Variants in ARHGAP29 observed in about 807,000 individuals in gnomAD.
The protein encoded by ARHGAP29 is Rho GTPase activating protein 29.
Under a neutral mutation model 122.6 loss-of-function variants are expected in ARHGAP29, and 43 were observed. The ratio of observed to expected loss-of-function variants is 0.35; its 90% CI spans 0.27 to 0.45. ARHGAP29 has a LOEUF of 0.45. Among genes scored for constraint, ARHGAP29 ranks in the 20% least tolerant of loss-of-function variants. ARHGAP29 has a pLI of 1.00. For synonymous variants in ARHGAP29, 506 were observed against 497.1 expected (o/e 1.02, Z -0.24); for missense variants, 1,303 against 1,477.2 (o/e 0.88, Z 1.93).
chr1:94,282,513 C>T, the ARHGAP29 span, among the ~76,000 whole-genome samples: 2,873 of 151,942 alleles, frequency 0.019, 94 homozygotes, highest in African/African-American at 0.066. Context: ...TGGCCTCAAG[C>T]GATCCTCCCA....
the ARHGAP29 span, among the ~76,000 whole-genome samples, chr1:94,287,938 T>C: frequency 6.6e-6 from 1 of 152,222 alleles, no homozygotes; most frequent in African/African-American, 2.4e-5. Context: ...GTCTCTGCTA[T>C]TGTGAATAGT....
At chr1:94,192,910 T>C (rs776247081) in intron 12 of ARHGAP29, 5 of 152,124 alleles carry the variant, frequency 3.3e-5, no homozygotes, top group Non-Finnish European at 7.4e-5. Context: ...CAAAATTACT[T>C]GTCATACAAA....
At chr1:94,227,352 T>C (rs1252689380) in intron 2 of ARHGAP29, among the ~76,000 whole-genome samples, 1 of 151,680 alleles carries the variant, frequency 6.6e-6, no homozygotes, top group African/African-American at 2.4e-5. Flanking sequence ...CTAGTTCATC[T>C]GAAATTGGCC....
chr1:94,233,530 A>C (rs1653060452), intron 1 of ARHGAP29, among the ~76,000 whole-genome samples: 1 of 152,126 alleles, frequency 6.6e-6, no homozygotes, highest in South Asian at 2.1e-4. Context: ...AAATCTCATA[A>C]TGTCATTTCT....
chr1:94,245,561 G>A (rs1387984403), intron 1 of ARHGAP29, among the ~76,000 whole-genome samples: 2 of 152,136 alleles, frequency 1.3e-5, no homozygotes, highest in Admixed American at 1.3e-4. Flanking sequence ...TCGTTGCCTA[G>A]GAATGCAGTG....
chr1:94,193,576 G>A (rs1011402526), intron 12 of ARHGAP29: 4 of 152,186 alleles, frequency 2.6e-5, no homozygotes, highest in Non-Finnish European at 4.4e-5. Flanking sequence ...ATTGGGGAAT[G>A]ATAATTCATA....
intron 1 of ARHGAP29, among the ~76,000 whole-genome samples, chr1:94,261,348 T>G (rs1392690703): frequency 6.6e-6 from 1 of 152,216 alleles, no homozygotes; most frequent in Non-Finnish European, 1.5e-5. Context: ...AATAAACACT[T>G]ATTTGTGTTT....
At chr1:94,270,368 A>G (rs900950765) in intron 1 of ARHGAP29, among the ~76,000 whole-genome samples, 3 of 152,182 alleles carry the variant, frequency 2.0e-5, no homozygotes, top group African/African-American at 7.2e-5. Context: ...ACTTTTTGAG[A>G]AATAGCTCTT....
At chr1:94,260,064 A>G (rs17111264) in intron 1 of ARHGAP29, among the ~76,000 whole-genome samples, 3,994 of 152,242 alleles carry the variant, frequency 0.026, 182 homozygotes, top group African/African-American at 0.092. Context: ...TCTAATCTTG[A>G]GCAAGACTTG....
chr1:94,284,585 G>C, the ARHGAP29 span, among the ~76,000 whole-genome samples: 1 of 152,188 alleles, frequency 6.6e-6, no homozygotes, highest in Non-Finnish European at 1.5e-5. Flanking sequence ...TATGCCTTCT[G>C]TCTGCTGTGA....
intron 2 of ARHGAP29, among the ~76,000 whole-genome samples, chr1:94,225,657 T>C (rs1652569928): frequency 6.6e-6 from 1 of 152,108 alleles, no homozygotes; most frequent in Non-Finnish European, 1.5e-5. Context: ...ATATGTTTTA[T>C]TAAAAATTTC....
chr1:94,289,478 T>G, the ARHGAP29 span, among the ~76,000 whole-genome samples: 1 of 152,226 alleles, frequency 6.6e-6, no homozygotes, highest in Non-Finnish European at 1.5e-5. Flanking sequence ...TTGAATACAC[T>G]TTATTTCTTT....
At chr1:94,183,993 T>C (rs1215581387) in intron 19 of ARHGAP29, among the ~76,000 whole-genome samples, 158 bp downstream of exon 19, 2 of 152,220 alleles carry the variant, frequency 1.3e-5, no homozygotes, top group African/African-American at 2.4e-5. Context: ...ATTGTACATG[T>C]ATTTCATATA....
intron 1 of ARHGAP29, among the ~76,000 whole-genome samples, chr1:94,257,759 A>G (rs1654416867): frequency 6.6e-6 from 1 of 152,178 alleles, no homozygotes; most frequent in Non-Finnish European, 1.5e-5. Context: ...TCTATGACAC[A>G]TGTGACATTA....
chr1:94,276,424 G>C (rs1483258802), upstream of ARHGAP29, among the ~76,000 whole-genome samples: 1 of 149,280 alleles, frequency 6.7e-6, no homozygotes, highest in Non-Finnish European at 1.5e-5. Flanking sequence ...TTCATATATA[G>C]AGCTGGTTTT....
intron 22 of ARHGAP29, among the ~76,000 whole-genome samples, chr1:94,176,421 G>C (rs759352574): frequency 1.5e-4 from 23 of 152,208 alleles, no homozygotes; most frequent in East Asian, 5.8e-4. Context: ...ATCAGAACTG[G>C]GTTCAAATGT....
chr1:94,233,869 A>G (rs917846073), intron 1 of ARHGAP29, among the ~76,000 whole-genome samples: 1 of 152,238 alleles, frequency 6.6e-6, no homozygotes, highest in Non-Finnish European at 1.5e-5. Context: ...CAACTCACCA[A>G]CTTGGTTTCA....
chr1:94,261,949 A>C (rs1254537570), intron 1 of ARHGAP29, among the ~76,000 whole-genome samples: 1 of 152,250 alleles, frequency 6.6e-6, no homozygotes, highest in African/African-American at 2.4e-5. Context: ...TAAGCAAGGC[A>C]ATCCTAAGCA....
At chr1:94,227,318 T>C (rs980856611) in intron 2 of ARHGAP29, among the ~76,000 whole-genome samples, 1 of 151,726 alleles carries the variant, frequency 6.6e-6, no homozygotes, top group African/African-American at 2.4e-5. Context: ...TTAGAAAGCA[T>C]CTTTTAAAAA....
Sources: allele counts gnomAD v4.1 joint callset (sites outside exome capture counted in the v4.1 genomes callset), GRCh38; gene constraint gnomAD v4.1.1; transcripts MANE v1.5; gene names NCBI Gene and HGNC (gene_info 2026-07-23, HGNC 2026-07-21).